WBP11: variants seen among roughly 807,000 people sequenced by gnomAD.
The protein encoded by WBP11 is WW domain-binding protein 11.
Under a neutral mutation model 66.7 loss-of-function variants are expected in WBP11, and 12 were observed. The ratio of observed to expected loss-of-function variants is 0.18; its 90% CI spans 0.12 to 0.29. WBP11 has a LOEUF of 0.29. WBP11 is among the 10% of genes least tolerant of loss of function. The pLI, the probability that WBP11 is intolerant of heterozygous loss-of-function variation, is 1.00. For missense variants in WBP11, 555 were observed against 818.3 expected, an observed-to-expected ratio of 0.68 and a Z score of 3.93; for synonymous variants, 255 against 273.8, an observed-to-expected ratio of 0.93 and a Z score of 0.68.
rs1353984231 is a variant in WBP11, at chr12:14,786,776, G to A, written c.*289C>T. ...AACAAATAAGCAACTAAGATCCCCC[G>A]ATCACAAATTTCCAAAGAACTGGAG... On this transcript the variant is annotated 3_prime_UTR_variant, in exon 12 of 12. Transcript: ENST00000261167. 1.4e-5 allele frequency: 4 copies of A among 278,406 alleles called. No homozygotes were observed. Among genetic ancestry groups the A allele is most frequent in the East Asian group, 6.5e-5 (1 of 15,336 alleles). The allele number at this position is 278,406 out of a possible 1,614,324, so 17.2% of individuals were successfully genotyped here.
Position 14,803,383 on chromosome 12 carries a change from C to T in WBP11, c.-77G>A. On this transcript the variant is annotated 5_prime_UTR_variant, in exon 1 of 12. Coordinates refer to ENST00000261167, the MANE Select transcript of WBP11 (RefSeq NM_016312.3). ...GCTGTGCTCCCAGGACTACGAGAAG[C>T]GGGTAGGGGGCGACTCCCGGCCTCT... The T allele has an allele frequency of 2.5e-6, 1 of 398,672 alleles. No individual in the cohort carries two copies. The highest frequency in any genetic ancestry group is 4.4e-6 in the Non-Finnish European group (1 of 226,118). 24.7% of individuals were successfully genotyped at this position (398,672 alleles called of 1,614,324 possible).
At chr12:14,793,664 T>C in intron 8 of WBP11, 67 bp downstream of exon 8, 1 of 1,524,076 alleles carries the variant, frequency 6.6e-7, no homozygotes, top group Non-Finnish European at 8.9e-7. Flanking sequence ...GATTCATTAA[T>C]AAATTAGGAC....
At chr12:14,802,296 G>A (rs1423408796) in intron 1 of WBP11, among the ~76,000 whole-genome samples, 2 of 152,050 alleles carry the variant, frequency 1.3e-5, no homozygotes, top group Middle Eastern at 3.2e-3. Context: ...CAGTAATAAA[G>A]GCGGACAAAT....
intron 11 of WBP11, among the ~76,000 whole-genome samples, chr12:14,788,238 T>A (rs1949777784): frequency 6.6e-6 from 1 of 151,992 alleles, no homozygotes; most frequent in Admixed American, 6.6e-5. Context: ...AAACTCCGTC[T>A]CAAAGAAAAA....
intron 2 of WBP11, chr12:14,801,021 A>T: frequency 2.1e-6 from 1 of 473,676 alleles, no homozygotes; most frequent in Non-Finnish European, 3.7e-6. Context: ...CTGAAGGAAA[A>T]ACATAACATA....
In WBP11 at chr12:14,786,335, A is replaced by G. The variant is rs2137225781; in HGVS notation, c.*730T>C. 6.6e-6 allele frequency: 1 copy of G among 152,296 alleles called. No individual in the cohort carries two copies. Among genetic ancestry groups the G allele is most frequent in the Non-Finnish European group, 1.5e-5 (1 of 68,002 alleles). The allele number at this position is 152,296 out of a possible 1,614,324, so 9.4% of individuals were successfully genotyped here. ...TCCTTTTTATCCCTTAAAATTTAAA[A>G]TGTAGTTTTTACCATGTTTTCAGTA... On this transcript the variant is annotated 3_prime_UTR_variant, in exon 12 of 12. Transcript: ENST00000261167.
intron 7 of WBP11, among the ~76,000 whole-genome samples, 157 bp from the exon 8 acceptor site, chr12:14,794,079 A>T (rs1472523961): frequency 6.6e-6 from 1 of 151,386 alleles, no homozygotes; most frequent in Non-Finnish European, 1.5e-5. Flanking sequence ...ATAGCTACTC[A>T]TACAGTCTAA....
chr12:14,801,816 G>A (rs1227918422), intron 1 of WBP11: 1 of 155,680 alleles, frequency 6.4e-6, no homozygotes, highest in African/African-American at 2.6e-5. Flanking sequence ...TTATTAACAT[G>A]TAATTGTAAA....
intron 11 of WBP11, 105 bp downstream of exon 11, chr12:14,788,846 G>GT (rs1478340531): frequency 1.9e-5 from 12 of 626,760 alleles, no homozygotes; most frequent in Admixed American, 4.3e-5. Flanking sequence ...ACCACTGACT[G>GT]TAAGATGACC....
chr12:14,793,196 A>C (rs912648049), intron 8 of WBP11, among the ~76,000 whole-genome samples: 1 of 152,238 alleles, frequency 6.6e-6, no homozygotes, highest in Non-Finnish European at 1.5e-5. Flanking sequence ...TTCCACTGTC[A>C]GTACCCATTA....
rs910348756 is a variant in WBP11, at chr12:14,796,163, C to A, written c.387+644G>T. 2.0e-5 allele frequency among the ~76,000 whole-genome samples: 3 copies of A among 152,004 alleles called. No individual in the cohort carries two copies. The highest frequency in any genetic ancestry group is 6.6e-5 in the Admixed American group (1 of 15,266). On this transcript the variant is annotated intron_variant, in intron 5 of 11. Coordinates refer to ENST00000261167, the MANE Select transcript of WBP11 (RefSeq NM_016312.3). The surrounding 1 kb of genome is among the most constrained non-coding windows in gnomAD (Gnocchi z 4.5). ...AAACTTAGCATGTTTTTGAGATTTA[C>A]TCACAATTTTTCTTTTTTTATTCCA... is the stretch of plus-strand genomic sequence containing the variant.
chr12:14,801,420 A>C lies in WBP11; in HGVS notation c.-37T>G. ...GTATGGTTTACTTGTTCATTAAAAAAAGAAAAACCTGTGAAGGTGAAGACA... is the reference window on the plus strand; with the variant it reads ...GTATGGTTTACTTGTTCATTAAAAACAGAAAAACCTGTGAAGGTGAAGACA... On this transcript the variant is annotated 5_prime_UTR_variant, in exon 2 of 12. Transcript: ENST00000261167. 1 of 1,599,020 alleles carries C rather than the reference A, an allele frequency of 6.3e-7. No individual in the cohort carries two copies. Among genetic ancestry groups the C allele is most frequent in the African/African-American group, 1.3e-5 (1 of 74,350 alleles).
intron 8 of WBP11, among the ~76,000 whole-genome samples, chr12:14,792,367 A>C (rs1338277571): frequency 6.6e-6 from 1 of 152,202 alleles, no homozygotes; most frequent in Non-Finnish European, 1.5e-5. Flanking sequence ...TAGTTGGTAA[A>C]CATTTTAGGA....
rs117518738 is a variant in WBP11 at position 14,803,403 on chromosome 12, G to C, written c.-97C>G. On this transcript the variant is annotated 5_prime_UTR_variant, in exon 1 of 12. Coordinates refer to ENST00000261167, the MANE Select transcript of WBP11 (RefSeq NM_016312.3). ...AGAAGCGGGTAGGGGGCGACTCCCGGCCTCTTTCACTTCGTAAAGGCCTTC... is the reference window on the plus strand; with the variant it reads ...AGAAGCGGGTAGGGGGCGACTCCCGCCCTCTTTCACTTCGTAAAGGCCTTC... The C allele has an allele frequency of 2.5e-6, 1 of 398,738 alleles. No individual in the cohort carries two copies. Among genetic ancestry groups the C allele is most frequent in the East Asian group, 3.6e-5 (1 of 28,080 alleles). The allele number at this position is 398,738 out of a possible 1,614,324, so 24.7% of individuals were successfully genotyped here. A position where few individuals can be genotyped will look rare whatever the true frequency, so the allele number is the denominator to read the frequency against.
chr12:14,785,788 G>A lies in WBP11; in HGVS notation c.*1277C>T, dbSNP rs1228228568. The A allele has an allele frequency of 1.3e-5, 2 of 152,180 alleles. No homozygotes were observed. The highest frequency in any genetic ancestry group is 4.8e-5 in the African/African-American group (2 of 41,442). The allele number at this position is 152,180 out of a possible 1,614,324, so 9.4% of individuals were successfully genotyped here. A position where few individuals can be genotyped will look rare whatever the true frequency, so the allele number is the denominator to read the frequency against. ...AGTAACGTATGCCTAAACAATGCAC[G>A]CACTGTGTGTATGTGTTTATGAAAT... On this transcript the variant is annotated 3_prime_UTR_variant, in exon 12 of 12. Coordinates refer to ENST00000261167, the MANE Select transcript of WBP11 (RefSeq NM_016312.3).
intron 10 of WBP11, among the ~76,000 whole-genome samples, chr12:14,789,920 TCA>T (rs1349085531): frequency 6.6e-6 from 1 of 152,170 alleles, no homozygotes; most frequent in Non-Finnish European, 1.5e-5. Context: ...AGGACTAAAA[TCA>T]CAAATAGCTG....
chr12:14,787,049 C>T lies in WBP11; in HGVS notation c.*16G>A, dbSNP rs1565670639. 1.2e-6 allele frequency: 2 copies of T among 1,603,462 alleles called. No individual in the cohort carries two copies. The highest frequency in any genetic ancestry group is 1.7e-6 in the Non-Finnish European group (2 of 1,172,864). ...CCACTGTTGTGAACAGAAGCCTTTT[C>T]TGGCATCAAAAGCTGTCACAGTAGC... On this transcript the variant is annotated 3_prime_UTR_variant, in exon 12 of 12. Coordinates refer to ENST00000261167, the MANE Select transcript of WBP11 (RefSeq NM_016312.3).
chr12:14,791,125 G>A (rs1949816908), intron 9 of WBP11, 44 bp downstream of exon 9: 2 of 1,564,342 alleles, frequency 1.3e-6, no homozygotes, highest in East Asian at 2.2e-5. Context: ...TAATTAGCGT[G>A]AGGATACACC....
chr12:14,794,797 A>C, intron 6 of WBP11, 61 bp from the exon 7 acceptor site: 2 of 1,532,220 alleles, frequency 1.3e-6, no homozygotes, highest in South Asian at 2.6e-5. Flanking sequence ...CAGTAATGAG[A>C]TATTTATTTT....
Sources: gnomAD v4.1 joint callset for allele counts (sites outside exome capture counted in the v4.1 genomes callset) on GRCh38, gnomAD v4.1.1 for gene constraint, Gnocchi (gnomAD v3.1) non-coding constraint, MANE v1.5 for transcripts, NCBI Gene and HGNC (gene_info 2026-07-23, HGNC 2026-07-21) for gene names.